The following HDAC9 variants were observed in gnomAD, a reference collection of about 807,000 sequenced individuals.
HDAC9 encodes the protein histone deacetylase 9.
HDAC9 carries 41 observed loss-of-function variants against 139.4 expected under a neutral mutation model. The ratio of observed to expected loss-of-function variants is 0.29; its 90% CI spans 0.23 to 0.38. HDAC9 has a LOEUF of 0.38. Among genes scored for constraint, HDAC9 ranks in the 10% least tolerant of loss-of-function variants. The probability of loss-of-function intolerance (pLI) is 1.00; values close to 1 mark genes in which losing one functional copy is unlikely to be tolerated. For synonymous variants in HDAC9, 517 were observed against 476.2 expected, an observed-to-expected ratio of 1.09 and a Z score of -1.12; for missense variants, 1,147 against 1,297.0, an observed-to-expected ratio of 0.88 and a Z score of 1.78.
At chr7:18,756,475 C>A (rs893755741) in intron 14 of HDAC9, among the ~76,000 whole-genome samples, 2 of 152,184 alleles carry the variant, frequency 1.3e-5, no homozygotes, top group South Asian at 4.1e-4. Context: ...TTTGAAAATC[C>A]TTATTCAGGT....
At chr7:18,431,417 A>T (rs553969322) in intron 1 of HDAC9, among the ~76,000 whole-genome samples, 2 of 152,312 alleles carry the variant, frequency 1.3e-5, no homozygotes, top group South Asian at 4.1e-4. Context: ...TAGTCACATC[A>T]TGCCTGTGTA....
At chr7:18,694,641 G>A (rs987779015) in intron 12 of HDAC9, among the ~76,000 whole-genome samples, 2 of 151,970 alleles carry the variant, frequency 1.3e-5, no homozygotes, top group Non-Finnish European at 2.9e-5. Context: ...AAAGAGACTC[G>A]CAAATCCCTT....
intron 1 of HDAC9, among the ~76,000 whole-genome samples, chr7:18,322,516 C>T (rs541561854): frequency 1.3e-5 from 2 of 152,080 alleles, no homozygotes; most frequent in South Asian, 2.1e-4. Flanking sequence ...TTTGATATAC[C>T]GCGTCCCTTA....
chr7:18,441,323 G>T (rs1791735497), intron 1 of HDAC9, among the ~76,000 whole-genome samples: 2 of 152,012 alleles, frequency 1.3e-5, no homozygotes, highest in Admixed American at 1.3e-4. Context: ...TATTTTACTG[G>T]AACATTTATC....
chr7:18,673,930 A>T (rs1424434700), intron 12 of HDAC9, among the ~76,000 whole-genome samples: 2 of 152,074 alleles, frequency 1.3e-5, no homozygotes, highest in Admixed American at 1.3e-4. Flanking sequence ...TACCAATATT[A>T]GTTGTAAGGA....
chr7:18,339,387 C>T (rs1056045973), intron 1 of HDAC9, among the ~76,000 whole-genome samples: 1 of 151,370 alleles, frequency 6.6e-6, no homozygotes, highest in Non-Finnish European at 1.5e-5. Context: ...TTCTTTTCTA[C>T]TATAGGCACT....
At chr7:18,456,855 C>T (rs939670867) in intron 1 of HDAC9, among the ~76,000 whole-genome samples, 4 of 152,110 alleles carry the variant, frequency 2.6e-5, no homozygotes, top group African/African-American at 7.2e-5. Context: ...AACTCTGGTT[C>T]CAAGTTAAAA....
chr7:18,605,776 G>A (rs1434238341), intron 6 of HDAC9, among the ~76,000 whole-genome samples: 1 of 152,090 alleles, frequency 6.6e-6, no homozygotes, highest in Admixed American at 6.6e-5. Flanking sequence ...CGCCTCCCAG[G>A]TTCACGCTAT....
intron 1 of HDAC9, among the ~76,000 whole-genome samples, chr7:18,143,731 T>C (rs992045649): frequency 3.3e-5 from 5 of 150,028 alleles, no homozygotes; most frequent in Admixed American, 1.3e-4. Context: ...AGGCGGAGGT[T>C]GCAGTGAGCC....
intron 8 of HDAC9, among the ~76,000 whole-genome samples, chr7:18,643,812 A>G (rs567046010): frequency 6.6e-5 from 10 of 152,176 alleles, no homozygotes; most frequent in Admixed American, 5.2e-4. Context: ...TACATGGAGT[A>G]TTCTTTTTCA....
At chr7:18,162,501 A>G in intron 2 of HDAC9, 6 of 668,580 alleles carry the variant, frequency 9.0e-6, no homozygotes, top group Non-Finnish European at 1.3e-5. Flanking sequence ...TTTGCATTCG[A>G]TAGCTAATTC....
chr7:18,099,693 C>T (rs373067037), intron 1 of HDAC9, among the ~76,000 whole-genome samples: 3 of 152,192 alleles, frequency 2.0e-5, no homozygotes, highest in East Asian at 1.9e-4. Context: ...TTCAGAATAA[C>T]GGCTACAGTT....
chr7:18,954,101 A>G (rs1782985665), intron 23 of HDAC9, 45 bp from the exon 24 acceptor site: 1 of 1,318,852 alleles, frequency 7.6e-7, no homozygotes, highest in Non-Finnish European at 1.1e-6. Context: ...GACTTACTAT[A>G]AAGTCATAAT....
intron 13 of HDAC9, among the ~76,000 whole-genome samples, chr7:18,728,235 C>G (rs1164955259): frequency 6.6e-6 from 1 of 152,112 alleles, no homozygotes; most frequent in East Asian, 1.9e-4. Flanking sequence ...AAGCAAACTT[C>G]ACTTGATTCT....
At chr7:18,730,722 A>G (rs998671807) in intron 13 of HDAC9, among the ~76,000 whole-genome samples, 2 of 152,156 alleles carry the variant, frequency 1.3e-5, no homozygotes, top group Admixed American at 1.3e-4. Context: ...ACAATCACAA[A>G]TTTCTTTTTT....
chr7:18,558,709 C>T (rs1298215010), intron 2 of HDAC9, among the ~76,000 whole-genome samples: 1 of 152,182 alleles, frequency 6.6e-6, no homozygotes, highest in Non-Finnish European at 1.5e-5. Context: ...ACCACTTGAG[C>T]ACGAACTTTT....
At chr7:18,268,248 T>C (rs184986753) in intron 2 of HDAC9, among the ~76,000 whole-genome samples, 40 of 152,268 alleles carry the variant, frequency 2.6e-4, no homozygotes, top group Non-Finnish European at 4.3e-4. Context: ...TCAAAAAGTT[T>C]ATGTCCATGT....
intron 12 of HDAC9, among the ~76,000 whole-genome samples, chr7:18,699,467 A>G (rs761236766): frequency 5.3e-5 from 8 of 152,132 alleles, no homozygotes; most frequent in Non-Finnish European, 1.0e-4. Context: ...TATGTTTCCA[A>G]TCAGAATTCC....
intron 21 of HDAC9, among the ~76,000 whole-genome samples, chr7:18,851,729 T>G (rs1444021152): frequency 6.6e-6 from 1 of 152,222 alleles, no homozygotes; most frequent in Non-Finnish European, 1.5e-5. Context: ...TGATTTATAT[T>G]AAATCATCCA....
Sources: allele counts gnomAD v4.1 joint callset (sites outside exome capture counted in the v4.1 genomes callset), GRCh38; gene constraint gnomAD v4.1.1; transcripts MANE v1.5; gene names NCBI Gene and HGNC (gene_info 2026-07-23, HGNC 2026-07-21).